Variants in DNM1L observed in about 807,000 individuals in gnomAD.
DNM1L encodes dynamin-1-like protein.
In DNM1L, 33 loss-of-function variants were observed where a neutral mutation model predicts 92.8. The observed-to-expected ratio is 0.36, with a 90% CI of 0.27 to 0.48. The LOEUF is 0.48. Ranked by LOEUF, DNM1L falls within the 20% of genes least tolerant of loss-of-function variation. DNM1L has a pLI of 0.99. For missense variants in DNM1L, 485 were observed against 888.8 expected (o/e 0.55, Z 5.78); for synonymous variants, 284 against 305.0 (o/e 0.93, Z 0.72).
chr12:32,711,592 TGTTA>T (rs1191791951), intron 5 of DNM1L, among the ~76,000 whole-genome samples: 1 of 152,034 alleles, frequency 6.6e-6, no homozygotes, highest in African/African-American at 2.4e-5. Flanking sequence ...GATTTTTAAT[TGTTA>T]GTTCCTTGGC....
chr12:32,724,608 AT>A (rs1954003668), intron 9 of DNM1L, among the ~76,000 whole-genome samples: 10 of 142,896 alleles, frequency 7.0e-5, no homozygotes, highest in Non-Finnish European at 1.5e-4. Flanking sequence ...ATATATATAT[AT>A]ATATATATAT....
chr12:32,722,641 A>C lies in DNM1L; in HGVS notation c.1079+8A>C, dbSNP rs1173108780. ...TATTGAAACTTCGGAGCTGTAAGTA[A>C]GAAATTTTTCTGTAGATTTGGTTAC... is the stretch of plus-strand genomic sequence containing the variant. On this transcript the variant is annotated splice_region_variant and intron_variant, in intron 9 of 19. Transcript: ENST00000549701. The C allele has an allele frequency of 1.2e-6, 2 of 1,608,546 alleles. No individual in the cohort carries two copies. The highest frequency in any genetic ancestry group is 2.7e-5 in the African/African-American group (2 of 74,790).
chr12:32,726,509 T>A, intron 9 of DNM1L: 2 of 1,055,672 alleles, frequency 1.9e-6, no homozygotes, highest in South Asian at 1.3e-5. Flanking sequence ...CATCATCATC[T>A]TCAGTAGCTT....
intron 6 of DNM1L, among the ~76,000 whole-genome samples, chr12:32,714,204 A>T (rs1953257748): frequency 6.6e-6 from 1 of 151,866 alleles, no homozygotes; most frequent in South Asian, 2.1e-4. Flanking sequence ...TAAAAATTTG[A>T]TAGGAAATAG....
chr12:32,706,843 A>G, intron 2 of DNM1L: 1 of 364,808 alleles, frequency 2.7e-6, no homozygotes, highest in South Asian at 2.2e-5. Flanking sequence ...AATTTTTAAA[A>G]AGAACTGAAG....
chr12:32,745,278 T>C lies in DNM1L; in HGVS notation c.*1868T>C, dbSNP rs1417301691. 1 of 217,736 alleles carries C rather than the reference T, an allele frequency of 4.6e-6. No individual in the cohort carries two copies. Among genetic ancestry groups the C allele is most frequent in the Non-Finnish European group, 9.1e-6 (1 of 109,598 alleles). 13.5% of individuals were successfully genotyped at this position (217,736 alleles called of 1,614,324 possible). ...TCATTATTCTAGTCCTTTGAATTTG[T>C]AAGGGGAAAAAAAACAAAAACAAAA... On this transcript the variant is annotated 3_prime_UTR_variant, in exon 20 of 20. Transcript: ENST00000549701.
At chr12:32,693,992 C>G (rs545446325) in intron 1 of DNM1L, among the ~76,000 whole-genome samples, 2 of 152,168 alleles carry the variant, frequency 1.3e-5, no homozygotes, top group South Asian at 2.1e-4. Flanking sequence ...AGAAAGAAAC[C>G]TGGTATCCAT....
chr12:32,744,020 AC>A lies in DNM1L; in HGVS notation c.*611del, dbSNP rs1394737022. ...GCTGTGGTGTGCATACTGTGTAGTTACATAGCCCTTCCAATTCTGGGTCCAT... is the reference window on the plus strand; with the variant it reads ...GCTGTGGTGTGCATACTGTGTAGTTAATAGCCCTTCCAATTCTGGGTCCAT... On this transcript the variant is annotated 3_prime_UTR_variant, in exon 20 of 20. Coordinates refer to ENST00000549701, the MANE Select transcript of DNM1L (RefSeq NM_012062.5). 4 of 152,748 alleles carry A rather than the reference AC, an allele frequency of 2.6e-5. No homozygotes were observed. The highest frequency in any genetic ancestry group is 9.6e-5 in the African/African-American group (4 of 41,472). The allele number at this position is 152,748 out of a possible 1,614,324, so 9.5% of individuals were successfully genotyped here. A position where few individuals can be genotyped will look rare whatever the true frequency, so the allele number is the denominator to read the frequency against.
At chr12:32,737,320 G>A in intron 14 of DNM1L, 159 bp downstream of exon 14, 1 of 684,184 alleles carries the variant, frequency 1.5e-6, no homozygotes, top group African/African-American at 1.8e-5. Flanking sequence ...AATGGGTTTT[G>A]AGTGATTTAA....
chr12:32,704,487 T>C (rs1051241138), intron 2 of DNM1L, among the ~76,000 whole-genome samples: 9 of 150,252 alleles, frequency 6.0e-5, no homozygotes, highest in Admixed American at 1.3e-4. Context: ...GAGGCGGAGG[T>C]TGTAGTGAGC....
intron 5 of DNM1L, among the ~76,000 whole-genome samples, chr12:32,711,855 C>T (rs1357382390): frequency 1.3e-5 from 2 of 152,172 alleles, no homozygotes; most frequent in Non-Finnish European, 2.9e-5. Flanking sequence ...TGCACTCCAA[C>T]CTGGCCAACA....
intron 1 of DNM1L, among the ~76,000 whole-genome samples, chr12:32,681,017 A>G (rs899319917): frequency 2.0e-5 from 3 of 152,208 alleles, no homozygotes; most frequent in Non-Finnish European, 4.4e-5. Flanking sequence ...TTTAAAATCA[A>G]TAAGTTGTTT....
intron 1 of DNM1L, among the ~76,000 whole-genome samples, chr12:32,684,345 C>G (rs1051457893): frequency 5.3e-5 from 8 of 152,320 alleles, no homozygotes; most frequent in African/African-American, 1.9e-4. Context: ...CTGGAAAAAG[C>G]AGGTATCACT....
chr12:32,719,936 A>G (rs1412524426), intron 7 of DNM1L, among the ~76,000 whole-genome samples: 1 of 152,204 alleles, frequency 6.6e-6, no homozygotes, highest in Non-Finnish European at 1.5e-5. Flanking sequence ...TTCATATGGT[A>G]GGAAACACTG....
In DNM1L at chr12:32,744,982, G is replaced by A. The variant is rs1329939422; in HGVS notation, c.*1572G>A. 3 of 518,082 alleles carry A rather than the reference G, an allele frequency of 5.8e-6. No homozygotes were observed. Among genetic ancestry groups the A allele is most frequent in the Non-Finnish European group, 3.9e-6 (1 of 259,660 alleles). 32.1% of individuals were successfully genotyped at this position (518,082 alleles called of 1,614,324 possible). A position where few individuals can be genotyped will look rare whatever the true frequency, so the allele number is the denominator to read the frequency against. ...CAGTTTATGACCAGGTATTTATGAA[G>A]GACTATTGGCAGGGAAAATATGAAT... On this transcript the variant is annotated 3_prime_UTR_variant, in exon 20 of 20. Transcript: ENST00000549701.
At chr12:32,724,264 C>T (rs1017267253) in intron 9 of DNM1L, among the ~76,000 whole-genome samples, 3 of 151,964 alleles carry the variant, frequency 2.0e-5, no homozygotes, top group Non-Finnish European at 1.5e-5. Context: ...AATAGTGCAT[C>T]CATCTACTTC....
chr12:32,741,811 G>A (rs1461357948), intron 18 of DNM1L, among the ~76,000 whole-genome samples: 2 of 152,106 alleles, frequency 1.3e-5, no homozygotes, highest in Admixed American at 1.3e-4. Context: ...GGAGCAATAG[G>A]CTATCCCATA....
chr12:32,685,754 T>A (rs1409228698), intron 1 of DNM1L, among the ~76,000 whole-genome samples: 1 of 151,998 alleles, frequency 6.6e-6, no homozygotes, highest in Admixed American at 6.6e-5. Context: ...AAGCGCTAAA[T>A]CATTCTGGAA....
At chr12:32,742,817 G>C in intron 19 of DNM1L, 69 bp downstream of exon 19, 3 of 1,479,932 alleles carry the variant, frequency 2.0e-6, no homozygotes, top group Non-Finnish European at 2.8e-6. Context: ...TTTAAATGCA[G>C]TTTGATTCTT....
Sources: gnomAD v4.1 joint callset for allele counts (sites outside exome capture counted in the v4.1 genomes callset) on GRCh38, gnomAD v4.1.1 for gene constraint, MANE v1.5 for transcripts, NCBI Gene and HGNC (gene_info 2026-07-23, HGNC 2026-07-21) for gene names.